RAP1GAP2: variants seen among roughly 807,000 people sequenced by gnomAD.
RAP1GAP2 encodes RAP1 GTPase activating protein 2.
RAP1GAP2 carries 27 observed loss-of-function variants against 95.0 expected under a neutral mutation model. The ratio of observed to expected loss-of-function variants is 0.28; its 90% CI spans 0.21 to 0.39. The LOEUF is 0.39. Among genes scored for constraint, RAP1GAP2 ranks in the 10% least tolerant of loss-of-function variants. RAP1GAP2 has a pLI of 1.00. For missense variants in RAP1GAP2, 771 were observed against 970.0 expected (o/e 0.79, Z 2.72); for synonymous variants, 373 against 380.9 (o/e 0.98, Z 0.24).
At chr17:2,880,659 A>T (rs1597497943) in intron 2 of RAP1GAP2, among the ~76,000 whole-genome samples, 1 of 151,818 alleles carries the variant, frequency 6.6e-6, no homozygotes, top group East Asian at 1.9e-4. Context: ...ATCCCGAAGC[A>T]ACTACCATCT....
chr17:3,031,054 C>G, intron 23 of RAP1GAP2, 56 bp downstream of exon 23: 1 of 1,488,424 alleles, frequency 6.7e-7, no homozygotes. Flanking sequence ...CCCAGCCTTC[C>G]TTCCTGAGGC....
intron 2 of RAP1GAP2, among the ~76,000 whole-genome samples, chr17:2,899,941 C>T (rs1364021728): frequency 6.6e-6 from 1 of 152,170 alleles, no homozygotes; most frequent in Non-Finnish European, 1.5e-5. Context: ...TTGCTTCCCC[C>T]TTTTGGCCAT....
At chr17:2,970,905 C>T (rs553299567) in intron 8 of RAP1GAP2, among the ~76,000 whole-genome samples, 349 of 152,088 alleles carry the variant, frequency 2.3e-3, no homozygotes, top group Non-Finnish European at 4.0e-3. Context: ...TGAAGTGGCA[C>T]ACACCTGTGG....
chr17:2,824,396 G>A (rs1455432387), intron 2 of RAP1GAP2, among the ~76,000 whole-genome samples: 6 of 149,678 alleles, frequency 4.0e-5, no homozygotes, highest in Non-Finnish European at 7.4e-5. Context: ...TCAGTGAACC[G>A]AGATTGTGCC....
rs747525100 is a variant in RAP1GAP2 at position 2,905,338 on chromosome 17, C to T, written c.135C>T (p.Ser45=). 13 of 1,613,698 alleles carry T rather than the reference C, an allele frequency of 8.1e-6. No homozygotes were observed. Among genetic ancestry groups the T allele is most frequent in the Admixed American group, 3.3e-5 (2 of 60,006 alleles). The change falls in exon 3 of 25, where the codon TCC becomes TCT. Residue 45 remains serine (S), a synonymous_variant. Coordinates refer to ENST00000254695, the MANE Select transcript of RAP1GAP2 (RefSeq NM_015085.5). ...SDATLPDRPL[S]PPLTAPPTMK... ...CGACCCTCCCAGACCGGCCGCTCTCCCCTCCTCTCACGGCACCTCCCACCA... is the reference window on the plus strand; with the variant it reads ...CGACCCTCCCAGACCGGCCGCTCTCTCCTCCTCTCACGGCACCTCCCACCA...
chr17:2,786,506 C>T (rs2068778765), intron 1 of RAP1GAP2, among the ~76,000 whole-genome samples: 1 of 152,354 alleles, frequency 6.6e-6, no homozygotes, highest in Non-Finnish European at 1.5e-5. Flanking sequence ...CCAGGTGCCC[C>T]GCCTTAGCAG....
Position 2,806,524 on chromosome 17 carries a change from C to A in RAP1GAP2, c.80+5974C>A, listed in dbSNP as rs889127571. ...TCTCCTGCCTCAGCCTCCCGAGTAG[C>A]TGGGATTACAGGTGCGGCCCACCGT... On this transcript the variant is annotated intron_variant, in intron 2 of 24. Transcript: ENST00000254695. 2.0e-5 allele frequency among the ~76,000 whole-genome samples: 3 copies of A among 151,032 alleles called. No homozygotes were observed. The East Asian group carries it at 5.8e-4, about 29-fold the overall frequency.
At chr17:3,000,441 C>A in intron 14 of RAP1GAP2, among the ~76,000 whole-genome samples, 1 of 144,934 alleles carries the variant, frequency 6.9e-6, no homozygotes, top group Admixed American at 6.9e-5. Flanking sequence ...GGAGAAGGGG[C>A]AGAAGAAGCA....
At chr17:2,826,247 G>A (rs1349082246) in intron 2 of RAP1GAP2, among the ~76,000 whole-genome samples, 2 of 145,884 alleles carry the variant, frequency 1.4e-5, no homozygotes, top group Admixed American at 7.2e-5. Flanking sequence ...TCCCCGCCTC[G>A]GCCTCCCCAA....
chr17:2,820,431 G>A (rs551517767), intron 2 of RAP1GAP2, among the ~76,000 whole-genome samples: 2 of 152,108 alleles, frequency 1.3e-5, no homozygotes, highest in East Asian at 2.0e-4. Flanking sequence ...GACCAGCCTG[G>A]CCAACATGGC....
At chr17:2,775,479 T>A (rs1597283599), upstream of RAP1GAP2, among the ~76,000 whole-genome samples, 1 of 124,614 alleles carries the variant, frequency 8.0e-6, no homozygotes, top group Non-Finnish European at 1.7e-5. Context: ...AGGTGTTAAG[T>A]GGGTGGTGGG....
chr17:3,018,457 T>C (rs377374158), intron 18 of RAP1GAP2, among the ~76,000 whole-genome samples: 58 of 152,250 alleles, frequency 3.8e-4, no homozygotes, highest in African/African-American at 1.3e-3. Flanking sequence ...TCTCTTGAGT[T>C]TCCTTGACAG....
chr17:2,891,809 C>CTTTTTTTTTTTTTTTTTTTTTTTTTT (rs1488865061), intron 2 of RAP1GAP2, among the ~76,000 whole-genome samples: 1 of 58,030 alleles, frequency 1.7e-5, no homozygotes, highest in African/African-American at 5.7e-5. Flanking sequence ...ATTCATATTT[C>CTTTTTTTTTTTTTTTTTTTTTTTTTT]TTTTCTTTTT....
At position 2,974,123 on chromosome 17, in the gene RAP1GAP2, C is replaced by T. The variant is rs185065041; in HGVS notation, c.597-6164C>T. On this transcript the variant is annotated intron_variant, in intron 8 of 24. Transcript: ENST00000254695. ...TTGGGAGGCCAAGGCGGGCGGATCA[C>T]GAGGTCAGGAGATCGAGACCATCCT... Among the ~76,000 whole-genome samples the T allele has an allele frequency of 3.7e-4, 56 of 150,642 alleles. No individual in the cohort carries two copies. The East Asian group carries it at 0.01, about 28-fold the overall frequency.
chr17:2,936,237 C>T (rs1329519572), intron 3 of RAP1GAP2, among the ~76,000 whole-genome samples: 1 of 142,848 alleles, frequency 7.0e-6, no homozygotes, highest in Admixed American at 6.9e-5. Context: ...AGGTATGTCT[C>T]CTAATGCTAT....
At position 2,867,550 on chromosome 17, in the gene RAP1GAP2, C is replaced by T. The variant is rs554428782; in HGVS notation, c.81-37734C>T. On this transcript the variant is annotated intron_variant, in intron 2 of 24. Transcript: ENST00000254695. The surrounding 1 kb of genome is among the most constrained non-coding windows in gnomAD (Gnocchi z 4.5). ...ATTTCAGCAGATGTCCCAGGGATGG[C>T]TCACCCTGGACAGAAAGTGAGTCAC... Among the ~76,000 whole-genome samples the T allele has an allele frequency of 1.3e-5, 2 of 152,296 alleles. No individual in the cohort carries two copies. Among genetic ancestry groups the T allele is most frequent in the South Asian group, 4.1e-4 (2 of 4,826 alleles).
intron 2 of RAP1GAP2, among the ~76,000 whole-genome samples, chr17:2,887,219 A>G (rs1227585951): frequency 1.3e-5 from 2 of 151,280 alleles, no homozygotes; most frequent in Non-Finnish European, 3.0e-5. Context: ...CAACACGCTC[A>G]GCTAATTTTT....
intron 1 of RAP1GAP2, chr17:2,755,820 C>T: frequency 2.9e-6 from 1 of 349,250 alleles, no homozygotes; most frequent in Non-Finnish European, 5.2e-6. Flanking sequence ...ACCCCGAGGC[C>T]CGGCCGGCGC....
chr17:2,969,378 C>T (rs2044754963), intron 8 of RAP1GAP2, among the ~76,000 whole-genome samples: 1 of 151,490 alleles, frequency 6.6e-6, no homozygotes. Context: ...AACAAAAAAG[C>T]CCAACAAACA....
Sources: allele counts gnomAD v4.1 joint callset (sites outside exome capture counted in the v4.1 genomes callset), GRCh38; gene constraint gnomAD v4.1.1; non-coding constraint Gnocchi (gnomAD v3.1); transcripts MANE v1.5; gene names NCBI Gene and HGNC (gene_info 2026-07-23, HGNC 2026-07-21).